Variants in CEP85L observed in about 807,000 individuals in gnomAD.
The protein encoded by CEP85L is centrosomal protein of 85 kDa-like.
A neutral mutation model predicts 100.3 loss-of-function variants in CEP85L; 60 were observed. That is an observed-to-expected ratio of 0.60 (90% confidence interval 0.49 to 0.74). The LOEUF (loss-of-function observed/expected upper bound fraction) is 0.74, where lower values mean the gene tolerates loss of function less well. CEP85L is among the 30% of genes least tolerant of loss of function. CEP85L has a pLI of 0.00. For missense variants in CEP85L, 973 were observed against 936.2 expected (o/e 1.04, Z -0.51); for synonymous variants, 319 against 322.7 (o/e 0.99, Z 0.12).
At chr6:118,496,020 T>C (rs1263045296) in intron 5 of CEP85L, among the ~76,000 whole-genome samples, 2 of 152,236 alleles carry the variant, frequency 1.3e-5, no homozygotes, top group Non-Finnish European at 2.9e-5. Flanking sequence ...AATGATTACA[T>C]ATCAGAAAAA....
In CEP85L at chr6:118,556,978, TG is replaced by T. The variant is rs535463793; in HGVS notation, c.1020+8550del. ...AGGCAGCAATAGCTTGTGGGATCTCTGAAAGAAGGCATGATGGAAACTACTA... is the reference window on the plus strand; with the variant it reads ...AGGCAGCAATAGCTTGTGGGATCTCTAAAGAAGGCATGATGGAAACTACTA... On this transcript the variant is annotated intron_variant, in intron 3 of 12. Coordinates refer to ENST00000368491, the MANE Select transcript of CEP85L (RefSeq NM_001042475.3). Among the ~76,000 whole-genome samples the T allele has an allele frequency of 1.6e-3, 240 of 152,284 alleles. 1 individual carries two copies. Among genetic ancestry groups the T allele is most frequent in the African/African-American group, 5.5e-3 (228 of 41,556 alleles).
chr6:118,594,881 C>CAA (rs34433072), intron 2 of CEP85L, among the ~76,000 whole-genome samples: 1,577 of 134,908 alleles, frequency 0.012, 11 homozygotes, highest in Non-Finnish European at 0.018. Context: ...CAAAACAAAA[C>CAA]AAAAAAAAAA....
intron 4 of CEP85L, among the ~76,000 whole-genome samples, chr6:118,519,432 C>CTGTGTGTG (rs546998242): frequency 0.018 from 428 of 23,898 alleles, 35 homozygotes; most frequent in East Asian, 0.049. Context: ...GAGCAAAACT[C>CTGTGTGTG]TGTGTGTGTG....
chr6:118,570,227 T>C (rs1168230864), intron 2 of CEP85L, among the ~76,000 whole-genome samples: 1 of 152,226 alleles, frequency 6.6e-6, no homozygotes, highest in African/African-American at 2.4e-5. Flanking sequence ...CAATGTCTTA[T>C]TTTAATTGCT....
intron 1 of CEP85L, among the ~76,000 whole-genome samples, chr6:118,676,357 C>T (rs756645979): frequency 1.1e-4 from 17 of 152,152 alleles, no homozygotes; most frequent in Middle Eastern, 3.2e-3. Flanking sequence ...CCTCTCTAGC[C>T]GTTGGTAAGC....
intron 2 of CEP85L, among the ~76,000 whole-genome samples, chr6:118,623,854 T>A (rs899505451): frequency 6.6e-6 from 1 of 152,174 alleles, no homozygotes; most frequent in African/African-American, 2.4e-5. Flanking sequence ...GATAGAGCTG[T>A]TCCAACCAGA....
chr6:118,696,163 C>T (rs568383396), intron 1 of CEP85L, among the ~76,000 whole-genome samples: 20 of 151,904 alleles, frequency 1.3e-4, no homozygotes, highest in Middle Eastern at 3.4e-3. Flanking sequence ...TCCAGCTACT[C>T]GGGAGGCTGA....
At chr6:118,474,713 G>C (rs902226138) in intron 10 of CEP85L, among the ~76,000 whole-genome samples, 1 of 152,182 alleles carries the variant, frequency 6.6e-6, no homozygotes, top group African/African-American at 2.4e-5. Flanking sequence ...GATTTTGCCT[G>C]AGGAAAAGTA....
At position 118,660,521 on chromosome 6, in the gene CEP85L, A is replaced by G. The variant is rs547263305; in HGVS notation, c.-27-7713T>C. ...CCATACTCCTACTTACTTGAACACT[A>G]TGATTTCTGGGAGAAAAAAGAGCCA... On this transcript the variant is annotated intron_variant, in intron 1 of 13. Transcript: ENST00000368488. Among the ~76,000 whole-genome samples the G allele has an allele frequency of 6.0e-4, 91 of 152,366 alleles. 2 individuals carry two copies. In the South Asian group the frequency reaches 0.017, roughly 28 times the overall value.
chr6:118,489,929 ACACACACACACATATATACACATG>A lies in CEP85L; in HGVS notation c.1437+1733_1437+1756del, dbSNP rs1319561041. ...AATGAGCAACATAAATGTTATATACACACACACACACATATATACACATGCACACACACACATACGTGTGTGTAT... is the reference window on the plus strand; with the variant it reads ...AATGAGCAACATAAATGTTATATACACACACACACACATACGTGTGTGTAT... On this transcript the variant is annotated intron_variant, in intron 6 of 12. Transcript: ENST00000368491. Among the ~76,000 whole-genome samples the A allele has an allele frequency of 2.6e-5, 4 of 151,696 alleles. No individual in the cohort carries two copies. The East Asian group carries it at 5.8e-4, about 22-fold the overall frequency.
chr6:118,672,640 C>T (rs1776343446), intron 1 of CEP85L, among the ~76,000 whole-genome samples: 1 of 152,214 alleles, frequency 6.6e-6, no homozygotes, highest in East Asian at 1.9e-4. Context: ...GTGGCACACA[C>T]CTGTAATCTC....
intron 4 of CEP85L, among the ~76,000 whole-genome samples, chr6:118,519,039 T>A (rs1776453256): frequency 6.6e-6 from 1 of 152,180 alleles, no homozygotes; most frequent in Non-Finnish European, 1.5e-5. Context: ...AGTCGTGTGG[T>A]TTTGAGTGAG....
intron 5 of CEP85L, among the ~76,000 whole-genome samples, chr6:118,500,737 C>T (rs1300491206): frequency 1.3e-5 from 2 of 152,298 alleles, no homozygotes; most frequent in East Asian, 1.9e-4. Flanking sequence ...GCAACAAAAT[C>T]GGGTGCTCAA....
At position 118,465,516 on chromosome 6, in the gene CEP85L, G is replaced by T. The variant is rs756623321; in HGVS notation, c.2307C>A (p.Leu769=). 2.5e-6 allele frequency: 4 copies of T among 1,613,576 alleles called. No homozygotes were observed. The highest frequency in any genetic ancestry group is 3.4e-6 in the Non-Finnish European group (4 of 1,179,642). The stretch of plus-strand genomic sequence containing the variant: ...GGCACACATCTGACAGCTTTTTAGT[G>T]AGTGTTTCTGTGCTGTGGTCATTCT... The part of the protein sequence containing the change: ...ETENDHSTET[L]TKKLSDVCQL... Residue 769 remains leucine, a synonymous_variant, in exon 13 of 13, where the codon CTC becomes CTA. Coordinates refer to ENST00000368491, the MANE Select transcript of CEP85L (RefSeq NM_001042475.3).
intron 3 of CEP85L, among the ~76,000 whole-genome samples, chr6:118,557,788 G>A (rs1213299819): frequency 1.3e-5 from 2 of 152,116 alleles, no homozygotes; most frequent in Non-Finnish European, 2.9e-5. Flanking sequence ...GACAATAAAC[G>A]CTATGGCACA....
chr6:118,567,239 GTGTGTGTGTGTATATATATA>G (rs1244417498), intron 2 of CEP85L, among the ~76,000 whole-genome samples: 3,033 of 52,966 alleles, frequency 0.057, 25 homozygotes, highest in Non-Finnish European at 0.077. Context: ...GTGTGTGTGT[GTGTGTGTGTGTATATATATA>G]TATATATATA....
chr6:118,509,223 T>C (rs1045188363), intron 5 of CEP85L, among the ~76,000 whole-genome samples: 1 of 152,114 alleles, frequency 6.6e-6, no homozygotes, highest in Non-Finnish European at 1.5e-5. Context: ...CAAAAGAACA[T>C]TTGCTTCATC....
intron 12 of CEP85L, among the ~76,000 whole-genome samples, chr6:118,467,127 G>A (rs930519160): frequency 6.6e-6 from 1 of 152,152 alleles, no homozygotes. Flanking sequence ...TGAATGTGTA[G>A]AGTCTGTGAT....
intron 2 of CEP85L, among the ~76,000 whole-genome samples, chr6:118,618,729 C>T (rs1773239071): frequency 6.6e-6 from 1 of 152,174 alleles, no homozygotes; most frequent in Admixed American, 6.5e-5. Flanking sequence ...AGCAGTTGTT[C>T]TCTCAGCCCT....
Sources: allele counts gnomAD v4.1 joint callset (sites outside exome capture counted in the v4.1 genomes callset), GRCh38; gene constraint gnomAD v4.1.1; transcripts MANE v1.5; gene names NCBI Gene and HGNC (gene_info 2026-07-23, HGNC 2026-07-21).